The following ATP8A2 variants were observed in gnomAD, a reference collection of about 807,000 sequenced individuals.
ATP8A2 encodes phospholipid-transporting ATPase IB.
Under a neutral mutation model 165.6 loss-of-function variants are expected in ATP8A2, and 100 were observed. That is an observed-to-expected ratio of 0.60 (90% confidence interval 0.51 to 0.71). The LOEUF (loss-of-function observed/expected upper bound fraction) is 0.71, where lower values mean the gene tolerates loss of function less well. Ranked by LOEUF, ATP8A2 falls within the 30% of genes least tolerant of loss-of-function variation. The pLI, the probability that ATP8A2 is intolerant of heterozygous loss-of-function variation, is 0.00. For missense variants in ATP8A2, 1,227 were observed against 1,479.5 expected (o/e 0.83, Z 2.80); for synonymous variants, 543 against 548.8 (o/e 0.99, Z 0.15).
intron 27 of ATP8A2, among the ~76,000 whole-genome samples, chr13:25,791,810 T>C (rs941512981): frequency 5.9e-5 from 9 of 152,214 alleles, no homozygotes; most frequent in Admixed American, 5.2e-4. Flanking sequence ...GATCCGAAGA[T>C]GGAAAATACA....
At chr13:25,882,919 GATGATGATGATGA>G (rs1953024864) in intron 33 of ATP8A2, among the ~76,000 whole-genome samples, 1 of 151,636 alleles carries the variant, frequency 6.6e-6, no homozygotes, top group East Asian at 1.9e-4. Context: ...TGATGATGAT[GATGATGATGATGA>G]TGATGATGGT....
chr13:25,769,264 T>C, intron 26 of ATP8A2, 35 bp downstream of exon 26: 2 of 1,578,608 alleles, frequency 1.3e-6, no homozygotes, highest in Non-Finnish European at 1.7e-6. Flanking sequence ...CCCTGTCCTG[T>C]TGAGAGATGA....
rs2044559074 is a variant in ATP8A2 at position 25,769,077 on chromosome 13, G to A, written c.2416G>A (p.Asp806Asn). 7 of 1,614,070 alleles carry A rather than the reference G, an allele frequency of 4.3e-6. No homozygotes were observed. Among genetic ancestry groups the A allele is most frequent in the Admixed American group, 1.7e-5 (1 of 60,008 alleles). Residue 806 changes from aspartate (D) to asparagine (N), a missense_variant, in exon 26 of 37, where the codon GAT (aspartate) becomes AAT (asparagine). Coordinates refer to ENST00000381655, the MANE Select transcript of ATP8A2 (RefSeq NM_016529.6). ...TCCTCTGCAGAAGTCTGAGATAGTGGATGTGGTGAAGAAGCGGGTGAAGGC... is the reference window on the plus strand; with the variant it reads ...TCCTCTGCAGAAGTCTGAGATAGTGAATGTGGTGAAGAAGCGGGTGAAGGC... Reference protein sequence around the residue: ...VSPLQKSEIVDVVKKRVKAIT... With the variant: ...VSPLQKSEIVNVVKKRVKAIT...
intron 16 of ATP8A2, among the ~76,000 whole-genome samples, chr13:25,569,043 A>G (rs577847526): frequency 6.6e-6 from 1 of 152,296 alleles, no homozygotes; most frequent in African/African-American, 2.4e-5. Context: ...TCTCACTACT[A>G]GGTTTACTTA....
At chr13:25,436,374 G>T (rs148887067) in intron 1 of ATP8A2, among the ~76,000 whole-genome samples, 1 of 152,086 alleles carries the variant, frequency 6.6e-6, no homozygotes, top group Non-Finnish European at 1.5e-5. Context: ...TTGGTTTTCT[G>T]TTCCTGGTTA....
intron 24 of ATP8A2, among the ~76,000 whole-genome samples, chr13:25,620,295 C>T (rs977990785): frequency 3.9e-4 from 59 of 152,160 alleles, no homozygotes; most frequent in African/African-American, 1.4e-3. Flanking sequence ...AACAGAGGGA[C>T]CAGAACACAG....
intron 1 of ATP8A2, among the ~76,000 whole-genome samples, chr13:25,404,942 G>A (rs2033753007): frequency 6.6e-6 from 1 of 152,160 alleles, no homozygotes; most frequent in Non-Finnish European, 1.5e-5. Flanking sequence ...TAAGGGAGAA[G>A]CAGAGAGAGG....
At chr13:25,561,097 G>C (rs1467277652) in intron 15 of ATP8A2, among the ~76,000 whole-genome samples, 2 of 152,062 alleles carry the variant, frequency 1.3e-5, no homozygotes, top group African/African-American at 4.8e-5. Flanking sequence ...GTGTTAGCCA[G>C]GATGGTCTTG....
rs200652159 is a variant in ATP8A2, at chr13:25,559,779, A to G, written c.1397+14A>G. 2.7e-5 allele frequency: 43 copies of G among 1,596,934 alleles called. No individual in the cohort carries two copies. Among genetic ancestry groups the G allele is most frequent in the Middle Eastern group, 1.7e-4 (1 of 6,056 alleles). ...AGATGACTTCTGGTAAGTAGATTCT[A>G]GCACTTCTTGACACTTTAGTGGAAA... On this transcript the variant is annotated intron_variant, in intron 15 of 36. Transcript: ENST00000381655.
chr13:25,706,462 T>C (rs2043056857), intron 25 of ATP8A2, among the ~76,000 whole-genome samples: 1 of 152,122 alleles, frequency 6.6e-6, no homozygotes, highest in Non-Finnish European at 1.5e-5. Flanking sequence ...CAGCTTAGCT[T>C]TTTTACCTTA....
chr13:25,749,897 C>T (rs1433664152), intron 25 of ATP8A2, among the ~76,000 whole-genome samples: 3 of 151,948 alleles, frequency 2.0e-5, no homozygotes, highest in African/African-American at 4.8e-5. Context: ...CATGGTGGCA[C>T]GTACCACTAG....
At chr13:26,011,421 A>C (rs1956845269) in intron 35 of ATP8A2, among the ~76,000 whole-genome samples, 1 of 151,908 alleles carries the variant, frequency 6.6e-6, no homozygotes, top group African/African-American at 2.4e-5. Context: ...CTTAATTACC[A>C]CTTTAAAGGC....
chr13:25,487,354 G>T (rs1476552258), intron 2 of ATP8A2, among the ~76,000 whole-genome samples: 2 of 152,122 alleles, frequency 1.3e-5, no homozygotes, highest in Non-Finnish European at 2.9e-5. Flanking sequence ...AAAAATCTAG[G>T]TTCATTTCGT....
At chr13:25,603,825 A>G (rs1593629048) in intron 24 of ATP8A2, among the ~76,000 whole-genome samples, 1 of 152,126 alleles carries the variant, frequency 6.6e-6, no homozygotes, top group East Asian at 1.9e-4. Flanking sequence ...AGGTGGGGGA[A>G]TAAGGAATCT....
intron 24 of ATP8A2, among the ~76,000 whole-genome samples, chr13:25,689,611 C>T (rs186610940): frequency 6.6e-6 from 1 of 152,210 alleles, no homozygotes; most frequent in Non-Finnish European, 1.5e-5. Context: ...CCCCAAAGGT[C>T]GGGCAATTAA....
chr13:25,539,019 GCTTTAAGT>G (rs1252973948), intron 7 of ATP8A2, among the ~76,000 whole-genome samples: 1 of 151,352 alleles, frequency 6.6e-6, no homozygotes, highest in Admixed American at 6.6e-5. Context: ...GATAGTTCGG[GCTTTAAGT>G]CTTTAAGTCT....
chr13:25,426,652 A>G (rs1473235426), intron 1 of ATP8A2, among the ~76,000 whole-genome samples: 1 of 152,040 alleles, frequency 6.6e-6, no homozygotes, highest in Non-Finnish European at 1.5e-5. Context: ...TTAGTTAATA[A>G]TGTATCAGGG....
intron 1 of ATP8A2, among the ~76,000 whole-genome samples, chr13:25,379,647 A>G (rs1015764867): frequency 6.6e-6 from 1 of 152,180 alleles, no homozygotes; most frequent in African/African-American, 2.4e-5. Context: ...TTAAAACTGC[A>G]GAATTTTTGT....
At chr13:25,390,140 T>G (rs2033192552) in intron 1 of ATP8A2, among the ~76,000 whole-genome samples, 1 of 152,172 alleles carries the variant, frequency 6.6e-6, no homozygotes, top group African/African-American at 2.4e-5. Flanking sequence ...AATACAGGCA[T>G]GTGCCTTAAC....
Sources: gnomAD v4.1 joint callset for allele counts (sites outside exome capture counted in the v4.1 genomes callset) on GRCh38, gnomAD v4.1.1 for gene constraint, MANE v1.5 for transcripts, NCBI Gene and HGNC (gene_info 2026-07-23, HGNC 2026-07-21) for gene names.